Variants in RGS5 observed in about 807,000 individuals in gnomAD.
RGS5 encodes the protein regulator of G protein signaling 5.
RGS5 carries 20 observed loss-of-function variants against 18.9 expected under a neutral mutation model. The observed-to-expected ratio is 1.06, with a 90% CI of 0.74 to 1.54. The LOEUF is 1.54. RGS5 is among the 40% of genes most tolerant of loss of function. RGS5 has a pLI of 0.00. For synonymous variants in RGS5, 57 were observed against 76.2 expected, an observed-to-expected ratio of 0.75 and a Z score of 1.31; for missense variants, 201 against 211.8, an observed-to-expected ratio of 0.95 and a Z score of 0.32.
chr1:163,183,206 A>C (rs535546116), intron 1 of RGS5, among the ~76,000 whole-genome samples: 13 of 152,362 alleles, frequency 8.5e-5, no homozygotes, highest in African/African-American at 2.9e-4. Flanking sequence ...TTTCTGAAGC[A>C]TAGAATTAGA....
intron 1 of RGS5, among the ~76,000 whole-genome samples, chr1:163,314,703 G>T (rs1159673375): frequency 6.6e-6 from 1 of 152,104 alleles, no homozygotes; most frequent in Non-Finnish European, 1.5e-5. Context: ...AACTCCCAAG[G>T]TGATATTAGG....
chr1:163,264,471 C>T (rs1648527606), intron 2 of RGS5, among the ~76,000 whole-genome samples: 1 of 152,134 alleles, frequency 6.6e-6, no homozygotes. Context: ...TTCATTATTT[C>T]CCCTGTATCC....
At chr1:163,268,521 C>T (rs1648630611) in intron 2 of RGS5, among the ~76,000 whole-genome samples, 1 of 152,062 alleles carries the variant, frequency 6.6e-6, no homozygotes, top group Admixed American at 6.6e-5. Context: ...AGCAAACTCC[C>T]CAGCATATGT....
chr1:163,173,355 C>T (rs1374862805), intron 1 of RGS5, among the ~76,000 whole-genome samples: 1 of 152,156 alleles, frequency 6.6e-6, no homozygotes, highest in Non-Finnish European at 1.5e-5. Context: ...CTAGATGACT[C>T]ACATTAGTGA....
At chr1:163,155,113 C>T (rs1204348025) in intron 3 of RGS5, among the ~76,000 whole-genome samples, 1 of 152,012 alleles carries the variant, frequency 6.6e-6, no homozygotes, top group South Asian at 2.1e-4. Flanking sequence ...AGGTCTAAGA[C>T]GGCTGGAGGC....
At chr1:163,206,308 A>AC (rs1268688762), upstream of RGS5, among the ~76,000 whole-genome samples, 1 of 151,954 alleles carries the variant, frequency 6.6e-6, no homozygotes, top group African/African-American at 2.4e-5. Context: ...AGTCTCAGGT[A>AC]TTTTGTTATA....
At chr1:163,249,440 G>A (rs182766211) in intron 2 of RGS5, among the ~76,000 whole-genome samples, 7 of 152,218 alleles carry the variant, frequency 4.6e-5, no homozygotes, top group Admixed American at 2.6e-4. Flanking sequence ...TTGCCAAACC[G>A]TTAATATTTC....
intron 1 of RGS5, among the ~76,000 whole-genome samples, chr1:163,189,299 A>C (rs1400866281): frequency 6.6e-6 from 1 of 152,224 alleles, no homozygotes; most frequent in Non-Finnish European, 1.5e-5. Context: ...AATAAAAACG[A>C]TAAGAGTAGT....
chr1:163,145,255 T>C lies in RGS5; in HGVS notation c.*2087A>G, dbSNP rs550555981. Reference sequence around the variant, plus strand: ...TAATTATCTGGGAATTTTTAAACATTTGGATATTGCAAATAATGTGAATAA... The same window carrying C: ...TAATTATCTGGGAATTTTTAAACATCTGGATATTGCAAATAATGTGAATAA... On this transcript the variant is annotated 3_prime_UTR_variant, in exon 5 of 5. Coordinates refer to ENST00000313961, the MANE Select transcript of RGS5 (RefSeq NM_003617.4). The C allele has an allele frequency of 6.6e-6, 1 of 152,286 alleles. No homozygotes were observed. The highest frequency in any genetic ancestry group is 2.1e-4 in the South Asian group (1 of 4,828). The allele number at this position is 152,286 out of a possible 1,614,324, so 9.4% of individuals were successfully genotyped here.
intron 1 of RGS5, among the ~76,000 whole-genome samples, chr1:163,190,900 G>C (rs1208008850): frequency 6.6e-6 from 1 of 152,202 alleles, no homozygotes; most frequent in Admixed American, 6.5e-5. Flanking sequence ...TTATGGAAAT[G>C]ACTATGGGAA....
intron 1 of RGS5, among the ~76,000 whole-genome samples, chr1:163,214,467 A>C (rs1278002795): frequency 6.6e-6 from 1 of 152,112 alleles, no homozygotes; most frequent in Non-Finnish European, 1.5e-5. Flanking sequence ...ACCCTTGCTC[A>C]CAGATACAGG....
intron 1 of RGS5, among the ~76,000 whole-genome samples, chr1:163,192,342 T>C (rs1659393809): frequency 6.6e-6 from 1 of 152,014 alleles, no homozygotes; most frequent in Non-Finnish European, 1.5e-5. Flanking sequence ...AACACACCCT[T>C]GGTGCCTACA....
chr1:163,197,817 T>C (rs1473410412), intron 1 of RGS5, among the ~76,000 whole-genome samples: 1 of 152,178 alleles, frequency 6.6e-6, no homozygotes, highest in Non-Finnish European at 1.5e-5. Context: ...CCAGAAGCTC[T>C]GCTAGGACCT....
Position 163,186,227 on chromosome 1 carries a change from C to T in RGS5, c.44+16565G>A, listed in dbSNP as rs551579155. Among the ~76,000 whole-genome samples the T allele has an allele frequency of 7.3e-5, 11 of 150,080 alleles. No individual in the cohort carries two copies. In the South Asian group the frequency reaches 1.2e-3, roughly 17 times the overall value. On this transcript the variant is annotated intron_variant, in intron 1 of 4. Transcript: ENST00000313961. ...CTGGGATTACAGGTGCCCACCACCA[C>T]GCCTGGCTAATTTTTGTATTTTTAG...
At chr1:163,280,216 G>GC (rs1648957101) in intron 2 of RGS5, among the ~76,000 whole-genome samples, 1 of 151,556 alleles carries the variant, frequency 6.6e-6, no homozygotes, top group Non-Finnish European at 1.5e-5. Flanking sequence ...AAAAAAACAA[G>GC]CCTACAAGCC....
At chr1:163,232,952 A>G (rs1297692121) in intron 2 of RGS5, among the ~76,000 whole-genome samples, 1 of 152,186 alleles carries the variant, frequency 6.6e-6, no homozygotes, top group Admixed American at 6.5e-5. Context: ...TTTACTATTC[A>G]GCCTATGTTC....
chr1:163,186,217 CCCA>C lies in RGS5; in HGVS notation c.44+16572_44+16574del, dbSNP rs568303657. The stretch of plus-strand genomic sequence containing the variant: ...TCCTGAGTAGCTGGGATTACAGGTG[CCCA>C]CCACCACGCCTGGCTAATTTTTGTA... On this transcript the variant is annotated intron_variant, in intron 1 of 4. Transcript: ENST00000313961. Among the ~76,000 whole-genome samples the C allele has an allele frequency of 1.7e-3, 255 of 151,666 alleles. 3 individuals carry two copies. Among genetic ancestry groups the C allele is most frequent in the African/African-American group, 5.8e-3 (241 of 41,272 alleles).
intron 4 of RGS5, among the ~76,000 whole-genome samples, chr1:163,149,989 C>T (rs1319962908): frequency 6.6e-6 from 1 of 152,184 alleles, no homozygotes; most frequent in Non-Finnish European, 1.5e-5. Context: ...CAAAGTCCCA[C>T]ATCTAAGAAT....
At chr1:163,204,577 T>G (rs1322044612), upstream of RGS5, among the ~76,000 whole-genome samples, 1 of 152,136 alleles carries the variant, frequency 6.6e-6, no homozygotes, top group African/African-American at 2.4e-5. Context: ...CTTGAACTCT[T>G]TGCTTCAAGC....
Sources: allele counts gnomAD v4.1 joint callset (sites outside exome capture counted in the v4.1 genomes callset), GRCh38; gene constraint gnomAD v4.1.1; transcripts MANE v1.5; gene names NCBI Gene and HGNC (gene_info 2026-07-23, HGNC 2026-07-21).